The following ITIH6 variants were observed in gnomAD, a reference collection of about 807,000 sequenced individuals.
ITIH6 encodes the protein inter-alpha-trypsin inhibitor heavy chain H6.
In ITIH6, 60 loss-of-function variants were observed where a neutral mutation model predicts 58.2. The ratio of observed to expected loss-of-function variants is 1.03; its 90% CI spans 0.84 to 1.28. ITIH6 has a LOEUF of 1.28. Ranked by LOEUF, ITIH6 falls within the 50% of genes most tolerant of loss-of-function variation. The pLI is 0.00. For missense variants in ITIH6, 1,290 were observed against 1,021.1 expected (o/e 1.26, Z -3.59); for synonymous variants, 493 against 417.4 (o/e 1.18, Z -2.21).
Position 54,753,688 on chromosome X carries a change from A to T in ITIH6, c.3315T>A (p.Pro1105=). ...EKICFTLNGH[P]GDLLQLIEDP... ...CCTCTATGAGCTGCAGCAAGTCCCCAGGGTGCCCATTCAGTGTGAAGCAGA... is the reference window on the plus strand; with the variant it reads ...CCTCTATGAGCTGCAGCAAGTCCCCTGGGTGCCCATTCAGTGTGAAGCAGA... The change falls in exon 11 of 13, where the codon CCT becomes CCA. Residue 1105 remains proline, a synonymous_variant. Coordinates refer to ENST00000218436, the MANE Select transcript of ITIH6 (RefSeq NM_198510.3). The T allele has an allele frequency of 8.3e-7, 1 of 1,211,269 alleles. No homozygotes were observed. The highest frequency in any genetic ancestry group is 1.8e-5 in the South Asian group (1 of 56,945).
chrX:54,781,194 T>G (rs1334893813), intron 5 of ITIH6, among the ~76,000 whole-genome samples: 1 of 111,996 alleles, frequency 8.9e-6, no homozygotes. Context: ...AAAGATTTCA[T>G]GATGAAGACG....
chrX:54,749,934 C>A lies in ITIH6; in HGVS notation c.3903G>T (p.Glu1301Asp), dbSNP rs778679528. Residue 1301 changes from glutamate to aspartate, a missense_variant, in exon 13 of 13, where the codon GAG becomes GAT. Transcript: ENST00000218436. The part of the protein sequence containing the change: ...SCWLVKRSHV[E>D]LLLGHPYLSY... ...AGAGGTAGGGGTGGCCCAGAAGCAGCTCTACATGAGAGCGCTTCACCAGCC... is the reference window on the plus strand; with the variant it reads ...AGAGGTAGGGGTGGCCCAGAAGCAGATCTACATGAGAGCGCTTCACCAGCC... 8.3e-7 allele frequency: 1 copy of A among 1,211,103 alleles called. No individual in the cohort carries two copies. Among genetic ancestry groups the A allele is most frequent in the Non-Finnish European group, 1.1e-6 (1 of 895,219 alleles).
intron 6 of ITIH6, among the ~76,000 whole-genome samples, chrX:54,762,062 A>G (rs1057350969): frequency 3.6e-5 from 4 of 111,676 alleles, no homozygotes; most frequent in African/African-American, 1.3e-4. Context: ...GATTCTTCCT[A>G]TCCATGAGCA....
chrX:54,787,462 G>T (rs1019071909), intron 5 of ITIH6: 8 of 111,750 alleles, frequency 7.2e-5, no homozygotes, highest in African/African-American at 2.6e-4. Flanking sequence ...GACCGACAAG[G>T]CTCTGTGTAT....
chrX:54,782,199 C>T (rs1450967813), intron 5 of ITIH6, among the ~76,000 whole-genome samples: 2 of 110,893 alleles, frequency 1.8e-5, no homozygotes, highest in East Asian at 2.8e-4. Flanking sequence ...GGCAGATCAC[C>T]TGAGGTAAGG....
chrX:54,777,044 G>T (rs1569544179), intron 5 of ITIH6, among the ~76,000 whole-genome samples: 1 of 112,056 alleles, frequency 8.9e-6, no homozygotes, highest in Non-Finnish European at 1.9e-5. Context: ...CCAACTTCCG[G>T]GCCTGCCCTA....
chrX:54,762,802 C>A (rs184731738), intron 6 of ITIH6, among the ~76,000 whole-genome samples: 229 of 112,375 alleles, frequency 2.0e-3, no homozygotes, highest in Middle Eastern at 9.3e-3. Flanking sequence ...CATGGCAATA[C>A]TAGCATAGGG....
In ITIH6 at chrX:54,759,851, G is replaced by A. The variant is rs1928598825; in HGVS notation, c.980C>T (p.Thr327Ile). ...GCCTCCAGCTTTCCAAACATTAACT[G>A]TGTCAGAAAAGGAGATGATGTTGAA... is the stretch of plus-strand genomic sequence containing the variant. ...DYFNIISFSD[T>I]VNVWKAGGSI... Residue 327 changes from threonine (T) to isoleucine (I), a missense_variant, in exon 7 of 13, where the codon ACA (threonine) becomes ATA (isoleucine). By Grantham distance (89) the Thr-to-Ile change is moderately conservative. Transcript: ENST00000218436. 3.3e-6 allele frequency: 4 copies of A among 1,208,320 alleles called. No individual in the cohort carries two copies. The highest frequency in any genetic ancestry group is 3.5e-5 in the African/African-American group (2 of 57,282).
At position 54,757,109 on chromosome X, in the gene ITIH6, G is replaced by A. The variant is rs142684682; in HGVS notation, c.2965C>T (p.Pro989Ser). ...ATGGCCTCAGGGAGGATGCTAGAAG[G>A]CAGCAAGATTGGCAGGTTTGGAGGG... ...GSPPNLPILLPSSILPEAISL... is the reference protein window; with the variant it reads ...GSPPNLPILLSSSILPEAISL... The change falls in exon 8 of 13, where the codon CCT becomes TCT. Residue 989 changes from proline (P) to serine (S), a missense_variant. Transcript: ENST00000218436. 46 of 1,209,909 alleles carry A rather than the reference G, an allele frequency of 3.8e-5. No individual in the cohort carries two copies. The African/African-American group carries it at 7.9e-4, about 21-fold the overall frequency.
rs145453852 is a variant in ITIH6 at position 54,758,737 on chromosome X, C to G, written c.1337G>C (p.Arg446Pro). The change falls in exon 8 of 13, where the codon CGG becomes CCG. Residue 446 changes from arginine to proline, a missense_variant. Coordinates refer to ENST00000218436, the MANE Select transcript of ITIH6 (RefSeq NM_198510.3). ...CTCATATATGCGCCGGGCTATTCCC[C>G]GGTTTTCCAGGGACAGGCGGCGCAG... ...TLLRRLSLEN[R>P]GIARRIYEDT... 555 of 1,209,287 alleles carry G rather than the reference C, an allele frequency of 4.6e-4. No homozygotes were observed. Among genetic ancestry groups the G allele is most frequent in the Non-Finnish European group, 6.0e-4 (535 of 894,799 alleles).
chrX:54,798,047 TC>T, intron 1 of ITIH6, 61 bp downstream of exon 1: 1 of 778,065 alleles, frequency 1.3e-6, no homozygotes. Context: ...TTCCCAAATT[TC>T]CCCCAAGAAG....
chrX:54,790,805 C>A (rs200548096), intron 4 of ITIH6, 32 bp downstream of exon 4: 2 of 1,207,323 alleles, frequency 1.7e-6, no homozygotes, highest in East Asian at 3.0e-5. Context: ...GAAGGCCAGT[C>A]TGATGGGTGA....
At chrX:54,775,407 A>G (rs1051955652) in intron 5 of ITIH6, among the ~76,000 whole-genome samples, 4 of 110,879 alleles carry the variant, frequency 3.6e-5, no homozygotes, top group Admixed American at 2.9e-4. Flanking sequence ...CAGGAAGAGA[A>G]TTAAGAGCAT....
intron 11 of ITIH6, among the ~76,000 whole-genome samples, chrX:54,752,324 A>G (rs776250527): frequency 8.9e-6 from 1 of 112,218 alleles, no homozygotes; most frequent in South Asian, 3.7e-4. Context: ...GAACTCTGCT[A>G]AAATTGAAGG....
At chrX:54,783,733 C>A (rs145238356) in intron 5 of ITIH6, among the ~76,000 whole-genome samples, 10,200 of 111,346 alleles carry the variant, frequency 0.092, 1,163 homozygotes, top group African/African-American at 0.32. Flanking sequence ...GATTGGAAGA[C>A]TCAATATTGT....
chrX:54,759,679 G>T, intron 7 of ITIH6, 77 bp downstream of exon 7: 1 of 818,783 alleles, frequency 1.2e-6, no homozygotes, highest in East Asian at 3.4e-5. Flanking sequence ...AGGAGGATGG[G>T]GGAATGAAGA....
Position 54,757,010 on chromosome X carries a change from A to C in ITIH6, c.3064T>G (p.Leu1022Val), listed in dbSNP as rs780588078. 4.1e-6 allele frequency: 5 copies of C among 1,207,580 alleles called. No homozygotes were observed. The Admixed American group carries it at 1.1e-4, about 26-fold the overall frequency. ...AAGGTATAGAAAGCTGGTGGGTTCA[A>C]GGACTCCACGAACTTGGATTCCACC... ...SMVESKFVES[L>V]NPPAFYTFLT... The change falls in exon 8 of 13, where the codon TTG (leucine) becomes GTG (valine). Residue 1022 changes from leucine (L) to valine (V), a missense_variant. By Grantham distance (32) the Leu-to-Val change is conservative. Coordinates refer to ENST00000218436, the MANE Select transcript of ITIH6 (RefSeq NM_198510.3).
intron 6 of ITIH6, among the ~76,000 whole-genome samples, chrX:54,763,181 A>G (rs1039343671): frequency 8.9e-6 from 1 of 112,190 alleles, no homozygotes. Context: ...ACCTTTCTCT[A>G]TAACTTAAAC....
intron 6 of ITIH6, among the ~76,000 whole-genome samples, chrX:54,761,686 A>C (rs1254756870): frequency 6.3e-5 from 7 of 111,091 alleles, no homozygotes; most frequent in East Asian, 2.8e-4. Context: ...ACCATTTATT[A>C]AATAGGGAAT....
Sources: allele counts gnomAD v4.1 joint callset (sites outside exome capture counted in the v4.1 genomes callset), GRCh38; gene constraint gnomAD v4.1.1; transcripts MANE v1.5; gene names NCBI Gene and HGNC (gene_info 2026-07-23, HGNC 2026-07-21).